Variants in BTBD9 observed in about 807,000 individuals in gnomAD.
BTBD9 encodes the protein BTB domain containing 9, also known as BTB/POZ domain-containing protein 9.
A neutral mutation model predicts 64.3 loss-of-function variants in BTBD9; 49 were observed. The ratio of observed to expected loss-of-function variants is 0.76; its 90% CI spans 0.61 to 0.97. The LOEUF is 0.97. BTBD9 is among the 50% of genes least tolerant of loss of function. The pLI is 0.00. For synonymous variants in BTBD9, 260 were observed against 274.7 expected, an observed-to-expected ratio of 0.95 and a Z score of 0.53; for missense variants, 598 against 762.1, an observed-to-expected ratio of 0.78 and a Z score of 2.53.
intron 6 of BTBD9, among the ~76,000 whole-genome samples, chr6:38,393,829 G>A (rs1766542737): frequency 6.6e-6 from 1 of 152,212 alleles, no homozygotes; most frequent in African/African-American, 2.4e-5. Flanking sequence ...AGATGGAGAT[G>A]TGGAGCATCT....
rs1765099799 is a variant in BTBD9 at position 38,364,268 on chromosome 6, TA to T, written c.1155-19176del. ...GACTCTACACACAGGAACTCCCTCGTAAAAATATTAAGAAAAGCGCTGTCAT... is the reference window on the plus strand; with the variant it reads ...GACTCTACACACAGGAACTCCCTCGTAAAATATTAAGAAAAGCGCTGTCAT... On this transcript the variant is annotated intron_variant, in intron 6 of 10. Transcript: ENST00000481247. Among the ~76,000 whole-genome samples, 2 of 152,158 alleles carry T rather than the reference TA, an allele frequency of 1.3e-5. 1 individual carries two copies. Among genetic ancestry groups the T allele is most frequent in the Non-Finnish European group, 2.9e-5 (2 of 68,012 alleles).
chr6:38,401,449 T>C (rs780008029), intron 6 of BTBD9, among the ~76,000 whole-genome samples: 63 of 152,320 alleles, frequency 4.1e-4, no homozygotes, highest in Admixed American at 1.7e-3. Flanking sequence ...ATACAGTATG[T>C]ATACACCTTT....
chr6:38,545,863 C>CACAT (rs1218319756), intron 6 of BTBD9, among the ~76,000 whole-genome samples: 11 of 72,892 alleles, frequency 1.5e-4, no homozygotes, highest in African/African-American at 3.7e-4. Context: ...CATACACACA[C>CACAT]ACACACACAC....
intron 4 of BTBD9, among the ~76,000 whole-genome samples, chr6:38,582,425 T>C (rs1414513701): frequency 6.6e-6 from 1 of 152,210 alleles, no homozygotes; most frequent in Non-Finnish European, 1.5e-5. Context: ...ATTTCACAGA[T>C]GAGAAGTGGA....
At chr6:38,412,366 G>C (rs72851482) in intron 6 of BTBD9, among the ~76,000 whole-genome samples, 1 of 151,926 alleles carries the variant, frequency 6.6e-6, no homozygotes, top group South Asian at 2.1e-4. Context: ...CTTCCTTCTC[G>C]ATAACAGAAA....
intron 6 of BTBD9, among the ~76,000 whole-genome samples, chr6:38,481,317 A>G (rs1010964851): frequency 8.5e-5 from 13 of 152,226 alleles, no homozygotes; most frequent in African/African-American, 3.1e-4. Flanking sequence ...CTGAGTAACA[A>G]AGACAAAACT....
intron 7 of BTBD9, among the ~76,000 whole-genome samples, chr6:38,341,300 G>A (rs1392215440): frequency 6.6e-6 from 1 of 152,150 alleles, no homozygotes; most frequent in South Asian, 2.1e-4. Context: ...TAGTATGACG[G>A]TATTGTGTTT....
intron 6 of BTBD9, among the ~76,000 whole-genome samples, chr6:38,526,193 T>G (rs1048227659): frequency 3.3e-4 from 50 of 152,358 alleles, no homozygotes; most frequent in African/African-American, 9.4e-4. Context: ...GTATCGCACC[T>G]GCTCCAGCTC....
At chr6:38,235,238 G>C (rs988688726) in intron 9 of BTBD9, among the ~76,000 whole-genome samples, 5 of 152,220 alleles carry the variant, frequency 3.3e-5, no homozygotes, top group Non-Finnish European at 7.3e-5. Flanking sequence ...GGGGTTGAAT[G>C]AGTGAAGAAA....
chr6:38,536,043 CAAAGTGA>C (rs138775895), intron 6 of BTBD9, among the ~76,000 whole-genome samples: 28,676 of 151,892 alleles, frequency 0.19, 3,402 homozygotes, highest in Non-Finnish European at 0.29. Context: ...AAACAATCAA[CAAAGTGA>C]AGAAACAACT....
intron 9 of BTBD9, among the ~76,000 whole-genome samples, chr6:38,223,433 C>T (rs1016551907): frequency 2.0e-5 from 3 of 152,134 alleles, no homozygotes; most frequent in African/African-American, 7.2e-5. Context: ...CTCCTGGGCT[C>T]AAGCAATCCT....
intron 6 of BTBD9, among the ~76,000 whole-genome samples, chr6:38,566,238 T>G (rs2064553): frequency 2.0e-5 from 3 of 152,184 alleles, no homozygotes; most frequent in Non-Finnish European, 4.4e-5. Context: ...TGTCAAAATA[T>G]TAACAAAATT....
At chr6:38,597,610 G>A (rs1429315662) in intron 2 of BTBD9, among the ~76,000 whole-genome samples, 1 of 152,268 alleles carries the variant, frequency 6.6e-6, no homozygotes, top group East Asian at 1.9e-4. Context: ...CTACTGGGAG[G>A]AGACAGTGAG....
intron 1 of BTBD9, among the ~76,000 whole-genome samples, chr6:38,629,987 C>G (rs1197392178): frequency 6.6e-6 from 1 of 151,486 alleles, no homozygotes; most frequent in Non-Finnish European, 1.5e-5. Context: ...GTGGGCGGAT[C>G]ACCTGAGGTC....
At chr6:38,460,157 A>G (rs1325004462) in intron 6 of BTBD9, among the ~76,000 whole-genome samples, 1 of 152,190 alleles carries the variant, frequency 6.6e-6, no homozygotes, top group Non-Finnish European at 1.5e-5. Flanking sequence ...ACAACACTAA[A>G]CTTCCAAGGA....
At chr6:38,459,121 C>T (rs1359561989) in intron 6 of BTBD9, among the ~76,000 whole-genome samples, 1 of 152,038 alleles carries the variant, frequency 6.6e-6, no homozygotes, top group African/African-American at 2.4e-5. Flanking sequence ...TGGGTTCAAG[C>T]AATTCTCCTG....
chr6:38,551,319 T>C (rs1245330324), intron 6 of BTBD9, among the ~76,000 whole-genome samples: 1 of 152,148 alleles, frequency 6.6e-6, no homozygotes, highest in Non-Finnish European at 1.5e-5. Flanking sequence ...GCAAAGGGCA[T>C]ACCATGTTTA....
chr6:38,372,750 TCTTC>T (rs1480985151), intron 6 of BTBD9, among the ~76,000 whole-genome samples: 2 of 152,148 alleles, frequency 1.3e-5, no homozygotes, highest in Non-Finnish European at 1.5e-5. Flanking sequence ...CTCTCTCCAG[TCTTC>T]CTTCCAACAA....
intron 7 of BTBD9, among the ~76,000 whole-genome samples, chr6:38,335,453 A>T (rs530430372): frequency 4.9e-4 from 75 of 151,742 alleles, no homozygotes; most frequent in Admixed American, 1.4e-3. Flanking sequence ...GGGTTTTGCC[A>T]TGTTGGCCAG....
Sources: allele counts gnomAD v4.1 joint callset (sites outside exome capture counted in the v4.1 genomes callset), GRCh38; gene constraint gnomAD v4.1.1; transcripts MANE v1.5; gene names NCBI Gene and HGNC (gene_info 2026-07-23, HGNC 2026-07-21).